RABL3: variants seen among roughly 807,000 people sequenced by gnomAD.
The protein encoded by RABL3 is RAB, member of RAS oncogene family like 3.
In RABL3, 31 loss-of-function variants were observed where a neutral mutation model predicts 31.8. That is an observed-to-expected ratio of 0.97 (90% CI 0.73 to 1.31). The LOEUF (loss-of-function observed/expected upper bound fraction) is 1.31, where lower values mean the gene tolerates loss of function less well. RABL3 is among the 40% of genes most tolerant of loss of function. RABL3 has a pLI of 0.00. For missense variants in RABL3, 263 were observed against 279.6 expected (o/e 0.94, Z 0.42); for synonymous variants, 97 against 99.9 (o/e 0.97, Z 0.18).
chr3:120,736,221 G>C (rs1308340901), intron 1 of RABL3, among the ~76,000 whole-genome samples: 3 of 152,084 alleles, frequency 2.0e-5, no homozygotes, highest in Admixed American at 1.3e-4. Context: ...TATGAATCTG[G>C]GTGCTCCTGT....
intron 2 of RABL3, among the ~76,000 whole-genome samples, chr3:120,718,417 G>T (rs985354127): frequency 6.6e-6 from 1 of 152,068 alleles, no homozygotes; most frequent in African/African-American, 2.4e-5. Flanking sequence ...TTGTCTTATC[G>T]TTAATATGTA....
chr3:120,721,656 A>G (rs1708743355), intron 2 of RABL3, among the ~76,000 whole-genome samples: 1 of 152,246 alleles, frequency 6.6e-6, no homozygotes, highest in Admixed American at 6.5e-5. Context: ...CACCCAATAC[A>G]GGAGCACCCA....
At chr3:120,726,007 G>A (rs6772101) in intron 2 of RABL3, among the ~76,000 whole-genome samples, 95 of 151,802 alleles carry the variant, frequency 6.3e-4, no homozygotes, top group African/African-American at 2.2e-3. Flanking sequence ...TTATGGAGGC[G>A]GGGGTCTCAC....
intron 2 of RABL3, among the ~76,000 whole-genome samples, chr3:120,723,239 C>G (rs571090025): frequency 3.9e-5 from 6 of 152,300 alleles, no homozygotes. Flanking sequence ...CCTCCCAAGA[C>G]TAAACCAGGA....
At position 120,694,228 on chromosome 3, in the gene RABL3, G is replaced by A. The variant is rs769453527; in HGVS notation, c.535-4C>T. On this transcript the variant is annotated splice_region_variant and splice_polypyrimidine_tract_variant and intron_variant, in intron 5 of 7. Coordinates refer to ENST00000273375, the MANE Select transcript of RABL3 (RefSeq NM_173825.5). ...AGTACCGTGGATTTGTGCAGTCCTA[G>A]AAGATAAAACATAAGATCCACAATT... The A allele has an allele frequency of 1.9e-6, 3 of 1,601,534 alleles. No individual in the cohort carries two copies. The highest frequency in any genetic ancestry group is 2.2e-5 in the South Asian group (2 of 89,744).
At chr3:120,719,192 T>G (rs1708705672) in intron 2 of RABL3, among the ~76,000 whole-genome samples, 1 of 152,208 alleles carries the variant, frequency 6.6e-6, no homozygotes, top group South Asian at 2.1e-4. Flanking sequence ...TTATCAAAAT[T>G]GACCATAAAA....
At chr3:120,704,526 C>T (rs1708527425) in intron 4 of RABL3, among the ~76,000 whole-genome samples, 1 of 152,168 alleles carries the variant, frequency 6.6e-6, no homozygotes, top group African/African-American at 2.4e-5. Context: ...TAGATATTCA[C>T]TCTTATCACT....
chr3:120,703,622 A>G (rs1010086075), intron 4 of RABL3, among the ~76,000 whole-genome samples: 1 of 152,080 alleles, frequency 6.6e-6, no homozygotes, highest in African/African-American at 2.4e-5. Context: ...AATGAAACCA[A>G]AAGTTGCTTC....
At chr3:120,690,609 G>A (rs2107573209) in intron 6 of RABL3, 122 bp from the exon 7 acceptor site, 1 of 662,456 alleles carries the variant, frequency 1.5e-6, no homozygotes, top group South Asian at 2.0e-5. Context: ...CATAGCAGTA[G>A]ACATGTAGTA....
At position 120,689,823 on chromosome 3, in the gene RABL3, T is replaced by C. The variant is rs199543805; in HGVS notation, c.711A>G (p.Ter237TrpextTer81). The change falls in exon 8 of 8, where the codon TGA (stop) becomes TGG (tryptophan). Residue 237 changes from the stop codon to tryptophan (W), a stop_lost. Transcript: ENST00000273375. ...AGTLKSLHYD* is the reference protein window; with the variant it reads ...AGTLKSLHYDW The stretch of plus-strand genomic sequence containing the variant: ...CACTCTTCCAAAGGATGAGTGTAAT[T>C]CAGTCATAATGAAGGCTCTTTAATG... 46 of 1,608,016 alleles carry C rather than the reference T, an allele frequency of 2.9e-5. No individual in the cohort carries two copies. Among genetic ancestry groups the C allele is most frequent in the Non-Finnish European group, 6.8e-6 (8 of 1,174,764 alleles).
chr3:120,739,011 C>A (rs1372613216), intron 1 of RABL3, among the ~76,000 whole-genome samples: 1 of 152,108 alleles, frequency 6.6e-6, no homozygotes, highest in Non-Finnish European at 1.5e-5. Flanking sequence ...TACACTTGAG[C>A]CTGCAGGTCT....
At chr3:120,728,241 A>T (rs1004634876) in intron 2 of RABL3, among the ~76,000 whole-genome samples, 4 of 152,204 alleles carry the variant, frequency 2.6e-5, no homozygotes, top group African/African-American at 9.7e-5. Context: ...GGACTAGACC[A>T]TAACTTCCCA....
chr3:120,704,475 T>C (rs1204170513), intron 4 of RABL3, among the ~76,000 whole-genome samples: 1 of 152,212 alleles, frequency 6.6e-6, no homozygotes, highest in African/African-American at 2.4e-5. Context: ...TCATACTTAA[T>C]AGTGAAATGA....
At chr3:120,725,784 C>T (rs1708811742) in intron 2 of RABL3, among the ~76,000 whole-genome samples, 1 of 152,062 alleles carries the variant, frequency 6.6e-6, no homozygotes, top group African/African-American at 2.4e-5. Context: ...ACATCACACA[C>T]TGGGGCCTAT....
intron 4 of RABL3, 30 bp from the exon 5 acceptor site, chr3:120,698,603 A>C: frequency 6.4e-7 from 1 of 1,568,082 alleles, no homozygotes; most frequent in Non-Finnish European, 8.7e-7. Flanking sequence ...AGAGGTGAAT[A>C]GAATGTATCT....
chr3:120,730,620 C>A (rs1708870868), intron 2 of RABL3, 76 bp downstream of exon 2: 2 of 982,666 alleles, frequency 2.0e-6, no homozygotes. Flanking sequence ...GACCATAGTA[C>A]TGTAATTTGA....
intron 5 of RABL3, among the ~76,000 whole-genome samples, chr3:120,695,884 T>C (rs1708430623): frequency 1.3e-5 from 2 of 152,266 alleles, no homozygotes; most frequent in South Asian, 4.1e-4. Flanking sequence ...CTTAATTCTA[T>C]GGTTCCATAA....
rs576703140 is a variant in RABL3, at chr3:120,723,152, G to A, written c.138+7544C>T. 5.9e-3 allele frequency among the ~76,000 whole-genome samples: 896 copies of A among 152,102 alleles called. 11 individuals are homozygous for A. Among genetic ancestry groups the A allele is most frequent in the African/African-American group, 0.02 (840 of 41,502 alleles). On this transcript the variant is annotated intron_variant, in intron 2 of 7. Transcript: ENST00000273375. ...TCCCACAGAAATACAAACTACCATC[G>A]GAGAATACTAAAAACACCTGTACGC...
chr3:120,723,463 C>T (rs1405457557), intron 2 of RABL3, among the ~76,000 whole-genome samples: 1 of 152,316 alleles, frequency 6.6e-6, no homozygotes, highest in South Asian at 2.1e-4. Flanking sequence ...CCAGCATCAT[C>T]CTGATACCAA....
Sources: allele counts gnomAD v4.1 joint callset (sites outside exome capture counted in the v4.1 genomes callset), GRCh38; gene constraint gnomAD v4.1.1; transcripts MANE v1.5; gene names NCBI Gene and HGNC (gene_info 2026-07-23, HGNC 2026-07-21).